Variants in SLC44A5 observed in about 807,000 individuals in gnomAD.
The protein encoded by SLC44A5 is choline transporter-like protein 5.
SLC44A5 carries 57 observed loss-of-function variants against 101.8 expected under a neutral mutation model. That is an observed-to-expected ratio of 0.56 (90% CI 0.45 to 0.70). The LOEUF is 0.70. Ranked by LOEUF, SLC44A5 falls within the 30% of genes least tolerant of loss-of-function variation. The pLI, the probability that SLC44A5 is intolerant of heterozygous loss-of-function variation, is 0.00. For missense variants in SLC44A5, 737 were observed against 853.1 expected, an observed-to-expected ratio of 0.86 and a Z score of 1.70; for synonymous variants, 281 against 290.9, an observed-to-expected ratio of 0.97 and a Z score of 0.35.
At chr1:75,651,199 GCTAAATT>G in the SLC44A5 span, among the ~76,000 whole-genome samples, 3 of 152,086 alleles carry the variant, frequency 2.0e-5, no homozygotes, top group Non-Finnish European at 4.4e-5. Flanking sequence ...TCCTAACTAT[GCTAAATT>G]GTGTACCTAA....
intron 4 of SLC44A5, among the ~76,000 whole-genome samples, chr1:75,338,067 A>G (rs1657584002): frequency 6.6e-6 from 1 of 152,176 alleles, no homozygotes; most frequent in East Asian, 1.9e-4. Flanking sequence ...AAATAGGCCA[A>G]CTATGTCTTC....
At chr1:75,628,507 A>G in the SLC44A5 span, among the ~76,000 whole-genome samples, 3 of 152,254 alleles carry the variant, frequency 2.0e-5, no homozygotes, top group East Asian at 1.9e-4. Flanking sequence ...ATGACCTTTA[A>G]TTTCTACAAC....
At chr1:75,363,584 G>A (rs959088846) in intron 3 of SLC44A5, among the ~76,000 whole-genome samples, 1 of 151,926 alleles carries the variant, frequency 6.6e-6, no homozygotes, top group Non-Finnish European at 1.5e-5. Context: ...TATATTTTAT[G>A]ATATTGACTT....
At chr1:75,359,879 C>A (rs773122740) in intron 3 of SLC44A5, among the ~76,000 whole-genome samples, 1 of 152,114 alleles carries the variant, frequency 6.6e-6, no homozygotes, top group Non-Finnish European at 1.5e-5. Flanking sequence ...TAAAGTGATA[C>A]CTCACTGTGA....
At chr1:75,266,659 C>G (rs1651017359) in intron 6 of SLC44A5, among the ~76,000 whole-genome samples, 1 of 152,222 alleles carries the variant, frequency 6.6e-6, no homozygotes, top group Admixed American at 6.5e-5. Flanking sequence ...AAGCTGACCT[C>G]CACTTTGGGA....
chr1:75,668,608 C>T, the SLC44A5 span, among the ~76,000 whole-genome samples: 1 of 151,226 alleles, frequency 6.6e-6, no homozygotes, highest in African/African-American at 2.5e-5. Flanking sequence ...AAGCCTGAGC[C>T]ACCACACCCG....
intron 6 of SLC44A5, among the ~76,000 whole-genome samples, chr1:75,252,581 C>T (rs973604453): frequency 2.6e-5 from 4 of 152,118 alleles, no homozygotes; most frequent in Admixed American, 1.3e-4. Context: ...TTCCAAATTC[C>T]AAGTTATAGA....
intron 2 of SLC44A5, among the ~76,000 whole-genome samples, chr1:75,443,677 G>A (rs1430883949): frequency 1.3e-5 from 2 of 149,430 alleles, no homozygotes; most frequent in Non-Finnish European, 3.0e-5. Flanking sequence ...ATGTTCCAAA[G>A]AACAAAATAA....
At chr1:75,363,609 T>C (rs1659655749) in intron 3 of SLC44A5, among the ~76,000 whole-genome samples, 1 of 152,140 alleles carries the variant, frequency 6.6e-6, no homozygotes, top group Non-Finnish European at 1.5e-5. Flanking sequence ...ATGTACACCT[T>C]TTTGTGATTT....
At chr1:75,693,273 GTATTGGCCTAAA>G in the SLC44A5 span, among the ~76,000 whole-genome samples, 1 of 152,160 alleles carries the variant, frequency 6.6e-6, no homozygotes, top group Non-Finnish European at 1.5e-5. Flanking sequence ...GCAGTTTTCA[GTATTGGCCTAAA>G]TATTGGGTTA....
intron 2 of SLC44A5, among the ~76,000 whole-genome samples, chr1:75,428,025 C>T (rs1271570322): frequency 6.6e-6 from 1 of 152,160 alleles, no homozygotes. Flanking sequence ...CTCCAGAGTG[C>T]TCACTTCCCT....
At chr1:75,702,114 A>T in the SLC44A5 span, among the ~76,000 whole-genome samples, 1 of 152,168 alleles carries the variant, frequency 6.6e-6, no homozygotes, top group Non-Finnish European at 1.5e-5. Flanking sequence ...TGCCATCCCC[A>T]ACAAGCTACC....
chr1:75,354,350 G>T (rs1658908233), intron 3 of SLC44A5, among the ~76,000 whole-genome samples: 1 of 152,154 alleles, frequency 6.6e-6, no homozygotes, highest in South Asian at 2.1e-4. Context: ...TGGAAGTATT[G>T]GGAGAAAAGC....
intron 2 of SLC44A5, among the ~76,000 whole-genome samples, chr1:75,401,161 C>A (rs1185980911): frequency 6.6e-6 from 1 of 152,202 alleles, no homozygotes; most frequent in Admixed American, 6.5e-5. Context: ...AAACTCACTA[C>A]TTAGGGCAAG....
At chr1:75,548,538 C>T (rs113558667) in intron 1 of SLC44A5, among the ~76,000 whole-genome samples, 63 of 152,178 alleles carry the variant, frequency 4.1e-4, no homozygotes, top group African/African-American at 9.1e-4. Flanking sequence ...CCCAAATATG[C>T]GGTTTTCCCA....
At chr1:75,701,115 C>G in the SLC44A5 span, among the ~76,000 whole-genome samples, 2 of 152,134 alleles carry the variant, frequency 1.3e-5, no homozygotes, top group Non-Finnish European at 2.9e-5. Context: ...TGAAACTATT[C>G]CAATCAACAG....
chr1:75,351,989 T>A (rs920868548), intron 3 of SLC44A5, among the ~76,000 whole-genome samples: 2 of 152,020 alleles, frequency 1.3e-5, no homozygotes, highest in Admixed American at 6.6e-5. Context: ...CCCCCTTTTT[T>A]AAGCACTTTA....
intron 1 of SLC44A5, among the ~76,000 whole-genome samples, chr1:75,543,627 A>G (rs1291699378): frequency 6.8e-6 from 1 of 146,594 alleles, no homozygotes; most frequent in Non-Finnish European, 1.5e-5. Context: ...ACATATATAT[A>G]CGTATATATA....
chr1:75,217,960 T>G lies in SLC44A5; in HGVS notation c.1530A>C (p.Arg510=), dbSNP rs767766126. The G allele has an allele frequency of 3.2e-6, 5 of 1,571,366 alleles. No individual in the cohort carries two copies. The South Asian group carries it at 3.3e-5, about 11-fold the overall frequency. The change falls in exon 18 of 24, where the codon CGA becomes CGC. Residue 510 remains arginine (R), a splice_region_variant and synonymous_variant. Transcript: ENST00000370859. ...PLFTAFGRAI[R]YHTGSLAFGS... ...CAAATGCTAGGGATCCTGTGTGATA[T>G]CTGCACAAAAATAAAATGAGAATAA...
Sources: allele counts gnomAD v4.1 joint callset (sites outside exome capture counted in the v4.1 genomes callset), GRCh38; gene constraint gnomAD v4.1.1; transcripts MANE v1.5; gene names NCBI Gene and HGNC (gene_info 2026-07-23, HGNC 2026-07-21).